Variants in STAB2 observed in about 807,000 individuals in gnomAD.
The protein encoded by STAB2 is stabilin-2.
In STAB2, 288 loss-of-function variants were observed where a neutral mutation model predicts 338.1. That is an observed-to-expected ratio of 0.85 (90% CI 0.77 to 0.94). The LOEUF (loss-of-function observed/expected upper bound fraction) is 0.94. Among genes scored for constraint, STAB2 ranks in the 40% least tolerant of loss-of-function variants. The pLI is 0.00. For missense variants in STAB2, 3,141 were observed against 3,210.1 expected (o/e 0.98, Z 0.52); for synonymous variants, 1,202 against 1,193.3 (o/e 1.01, Z -0.15).
At chr12:103,663,923 A>G (rs565837347) in intron 18 of STAB2, among the ~76,000 whole-genome samples, 114 of 152,286 alleles carry the variant, frequency 7.5e-4, no homozygotes, top group African/African-American at 2.6e-3. Flanking sequence ...ATCTGGGACC[A>G]CTTGCTCCAG....
At chr12:103,703,404 C>T (rs1879075659) in intron 35 of STAB2, 128 bp downstream of exon 35, 1 of 1,184,230 alleles carries the variant, frequency 8.4e-7, no homozygotes, top group Non-Finnish European at 1.2e-6. Context: ...GAATGAGTAT[C>T]TTTGATGTGC....
intron 3 of STAB2, among the ~76,000 whole-genome samples, chr12:103,613,640 G>A (rs11111679): frequency 0.054 from 8,264 of 152,104 alleles, 338 homozygotes; most frequent in Non-Finnish European, 0.083. Flanking sequence ...CTTCCCGGGC[G>A]AGGCAATGCC....
At chr12:103,705,814 G>T (rs2138978490) in intron 37 of STAB2, 87 bp downstream of exon 37, 2 of 1,294,732 alleles carry the variant, frequency 1.5e-6, no homozygotes, top group South Asian at 2.5e-5. Context: ...TCCCTGTGCA[G>T]GTATGCTTTC....
At chr12:103,748,100 A>C (rs1883225663) in intron 58 of STAB2, among the ~76,000 whole-genome samples, 1 of 152,102 alleles carries the variant, frequency 6.6e-6, no homozygotes, top group African/African-American at 2.4e-5. Flanking sequence ...TTTTTCATGG[A>C]TAAATATTCA....
rs151063567 is a variant in STAB2, at chr12:103,758,207, G to A, written c.7025G>A (p.Arg2342His). Residue 2342 changes from arginine to histidine, a missense_variant, in exon 64 of 69, where the codon CGT becomes CAT. Arg to His is a conservative substitution (Grantham distance 29). Transcript: ENST00000388887. ...LAYSNSSARG[R>H]AFLEHLTDLS... ...TATTCCAACAGCTCAGCTCGAGGCC[G>A]TGCATTTCTAGAACACCTGACTGAC... is the stretch of plus-strand genomic sequence containing the variant. 3.1e-5 allele frequency: 50 copies of A among 1,614,038 alleles called. No individual in the cohort carries two copies. In the East Asian group the frequency reaches 4.5e-4, roughly 14 times the overall value.
intron 42 of STAB2, among the ~76,000 whole-genome samples, chr12:103,714,290 T>C (rs1336306195): frequency 6.6e-6 from 1 of 152,218 alleles, no homozygotes; most frequent in Non-Finnish European, 1.5e-5. Context: ...ACTATAAAGG[T>C]ATGCCATAGT....
rs1879560248 is a variant in STAB2, at chr12:103,708,466, C to A, written c.4218C>A (p.Cys1406Ter). The change falls in exon 39 of 69, where the codon TGC becomes TGA. Residue 1406 changes from cysteine to a stop codon, truncating the protein, a stop_gained. Transcript: ENST00000388887. LOFTEE classifies it high-confidence loss of function. ...CATGTTCTTGTGTCCATGGGAGATG[C>A]AACCAAGGACCCTTGGGAGATGGCT... ...DQACSCVHGR[C>*]NQGPLGDGSC... 6.2e-7 allele frequency: 1 copy of A among 1,613,976 alleles called. No homozygotes were observed. The highest frequency in any genetic ancestry group is 8.5e-7 in the Non-Finnish European group (1 of 1,179,974).
chr12:103,618,216 G>C (rs1202919641), intron 3 of STAB2, among the ~76,000 whole-genome samples: 3 of 152,176 alleles, frequency 2.0e-5, no homozygotes, highest in Non-Finnish European at 4.4e-5. Flanking sequence ...TTTGGGAGGT[G>C]ATTAGGTCCT....
intron 66 of STAB2, among the ~76,000 whole-genome samples, chr12:103,761,856 T>C (rs146416744): frequency 2.0e-5 from 3 of 152,298 alleles, no homozygotes; most frequent in East Asian, 1.9e-4. Context: ...GTACATGCTA[T>C]ATAAAAGTTG....
intron 6 of STAB2, among the ~76,000 whole-genome samples, chr12:103,636,145 C>CATT (rs1957541978): frequency 6.6e-6 from 1 of 151,610 alleles, no homozygotes. Flanking sequence ...GTGCTGCACC[C>CATT]ATTAACTCGT....
At chr12:103,663,937 C>T (rs983961366) in intron 18 of STAB2, among the ~76,000 whole-genome samples, 4 of 152,206 alleles carry the variant, frequency 2.6e-5, no homozygotes, top group African/African-American at 9.6e-5. Flanking sequence ...GCTCCAGGCT[C>T]ACAGCTTTAC....
chr12:103,662,801 A>G (rs1339361735), intron 17 of STAB2, 45 bp from the exon 18 acceptor site: 1 of 1,595,778 alleles, frequency 6.3e-7, no homozygotes, highest in Non-Finnish European at 8.6e-7. Flanking sequence ...GCAGTCCTGC[A>G]GTACAGAATA....
At chr12:103,690,998 A>C (rs1018612974) in intron 30 of STAB2, among the ~76,000 whole-genome samples, 2 of 152,230 alleles carry the variant, frequency 1.3e-5, no homozygotes, top group African/African-American at 4.8e-5. Flanking sequence ...AGGTAGAGTT[A>C]ATCAACCAAC....
intron 36 of STAB2, 43 bp downstream of exon 36, chr12:103,704,657 A>T: frequency 6.4e-7 from 1 of 1,567,400 alleles, no homozygotes; most frequent in Non-Finnish European, 8.7e-7. Flanking sequence ...TCCAGATCCG[A>T]GGAGTCCCAA....
chr12:103,685,197 ATGAAGCAAGC>A, intron 27 of STAB2, 113 bp downstream of exon 27: 1 of 992,664 alleles, frequency 1.0e-6, no homozygotes, highest in Non-Finnish European at 1.5e-6. Context: ...GAGATTTTAC[ATGAAGCAAGC>A]TGTTTCTCAC....
intron 57 of STAB2, 170 bp from the exon 58 acceptor site, chr12:103,746,427 C>A: frequency 1.6e-6 from 1 of 622,364 alleles, no homozygotes; most frequent in Non-Finnish European, 2.9e-6. Context: ...TCTAGAATCC[C>A]AGAATCTCCA....
chr12:103,669,850 C>T (rs745894218), intron 21 of STAB2, among the ~76,000 whole-genome samples: 4 of 152,136 alleles, frequency 2.6e-5, no homozygotes, highest in Admixed American at 2.0e-4. Flanking sequence ...TTCTCTATTG[C>T]GGGCTGCAGG....
intron 34 of STAB2, among the ~76,000 whole-genome samples, chr12:103,699,727 G>A (rs375042398): frequency 3.3e-5 from 5 of 152,156 alleles, no homozygotes; most frequent in African/African-American, 1.2e-4. Context: ...AACACAAAAC[G>A]GTTGTCTGTG....
chr12:103,753,410 G>GC, intron 61 of STAB2, 57 bp downstream of exon 61: 1 of 1,611,016 alleles, frequency 6.2e-7, no homozygotes, highest in Non-Finnish European at 8.5e-7. Flanking sequence ...CGGAAGTGCA[G>GC]CCCTTTCTTA....
Sources: allele counts gnomAD v4.1 joint callset (sites outside exome capture counted in the v4.1 genomes callset), GRCh38; gene constraint gnomAD v4.1.1; transcripts MANE v1.5; gene names NCBI Gene and HGNC (gene_info 2026-07-23, HGNC 2026-07-21).